LENG8: variants seen among roughly 807,000 people sequenced by gnomAD.
The protein encoded by LENG8 is leukocyte receptor cluster member 8, also known as leukocyte receptor cluster (LRC) member 8.
A neutral mutation model predicts 102.1 loss-of-function variants in LENG8; 28 were observed. The ratio of observed to expected loss-of-function variants is 0.27; its 90% CI spans 0.20 to 0.38. The LOEUF (loss-of-function observed/expected upper bound fraction) is 0.38. Ranked by LOEUF, LENG8 falls within the 10% of genes least tolerant of loss-of-function variation. LENG8 has a pLI of 1.00. For synonymous variants in LENG8, 531 were observed against 456.7 expected, an observed-to-expected ratio of 1.16 and a Z score of -2.07; for missense variants, 1,022 against 1,113.9, an observed-to-expected ratio of 0.92 and a Z score of 1.17.
At chr19:54,452,965 C>T (rs550142757) in intron 4 of LENG8, among the ~76,000 whole-genome samples, 2 of 152,308 alleles carry the variant, frequency 1.3e-5, no homozygotes, top group East Asian at 1.9e-4. Flanking sequence ...CTGGTCCCTT[C>T]TCTCCTCATG....
Position 54,458,867 on chromosome 19 carries a change from G to A in LENG8, c.2240+346G>A, listed in dbSNP as rs765063053. On this transcript the variant is annotated intron_variant, in intron 15 of 15. Transcript: ENST00000326764. ...CCCTGGGCTTCCTCAGAACCCTGAG[G>A]TCTCTGCTTTCTCAGCTTGTCGCTG... is the stretch of plus-strand genomic sequence containing the variant. The A allele has an allele frequency of 1.2e-5, 18 of 1,550,070 alleles. No homozygotes were observed. The South Asian group carries it at 2.1e-4, about 18-fold the overall frequency.
Position 54,460,359 on chromosome 19 carries a change from C to A in LENG8, c.2241-407C>A, listed in dbSNP as rs879356197. The A allele has an allele frequency of 4.1e-6, 5 of 1,209,568 alleles. No homozygotes were observed. In the Admixed American group the frequency reaches 1.6e-4, roughly 39 times the overall value. 74.9% of individuals were successfully genotyped at this position (1,209,568 alleles called of 1,614,324 possible). ...GCTGGCACCCCTGCGCCTGGCTTCCCAGACACTGTAACGCAGGGCAGGGGA... is the reference window on the plus strand; with the variant it reads ...GCTGGCACCCCTGCGCCTGGCTTCCAAGACACTGTAACGCAGGGCAGGGGA... On this transcript the variant is annotated intron_variant, in intron 15 of 15. Transcript: ENST00000326764.
In LENG8 at chr19:54,461,717, C is replaced by T; in HGVS notation, c.*789C>T. 2.0e-6 allele frequency: 1 copy of T among 496,610 alleles called. No homozygotes were observed. The highest frequency in any genetic ancestry group is 4.1e-6 in the Non-Finnish European group (1 of 244,730). The allele number at this position is 496,610 out of a possible 1,614,324, so 30.8% of individuals were successfully genotyped here. On this transcript the variant is annotated 3_prime_UTR_variant, in exon 16 of 16. Coordinates refer to ENST00000326764, the MANE Select transcript of LENG8 (RefSeq NM_052925.4). Reference sequence around the variant, plus strand: ...CCTCCCTCCCTGCCTTCATGGATCACCAGCTCACGTCATGTTGCCTTCTCT... The same window carrying T: ...CCTCCCTCCCTGCCTTCATGGATCATCAGCTCACGTCATGTTGCCTTCTCT...
In LENG8 at chr19:54,455,124, C is replaced by T. The variant is rs750826049; in HGVS notation, c.821+32C>T. 24 of 1,613,468 alleles carry T rather than the reference C, an allele frequency of 1.5e-5. No homozygotes were observed. The African/African-American group carries it at 2.0e-4, about 13-fold the overall frequency. ...TCTGCCCCCTTGCCCCGTCGCAGCC[C>T]CACACTCTGCACTCAGCGTCTATGG... On this transcript the variant is annotated intron_variant, in intron 7 of 15. Transcript: ENST00000326764.
At position 54,461,570 on chromosome 19, in the gene LENG8, A is replaced by G. The variant is rs1276276073; in HGVS notation, c.*642A>G. 2.1e-6 allele frequency: 1 copy of G among 472,222 alleles called. No homozygotes were observed. Among genetic ancestry groups the G allele is most frequent in the Non-Finnish European group, 4.4e-6 (1 of 227,678 alleles). The allele number at this position is 472,222 out of a possible 1,614,324, so 29.3% of individuals were successfully genotyped here. ...GCCGGGCCGCCTCGTCTCAAGTTGT[A>G]TAAAGTTGTCTCCGTGTCCCCTCCT... On this transcript the variant is annotated 3_prime_UTR_variant, in exon 16 of 16. Transcript: ENST00000326764.
At position 54,460,898 on chromosome 19, in the gene LENG8, C is replaced by T; in HGVS notation, c.2373C>T (p.Arg791=). ...TGPDNSSIDC[R]LSLAQLSAF ...CGGACAACTCCAGCATCGACTGCCG[C>T]CTCAGCCTGGCGCAGCTGTCAGCCT... Residue 791 remains arginine, a synonymous_variant, in exon 16 of 16, where the codon CGC becomes CGT. Transcript: ENST00000326764. 1.3e-6 allele frequency: 2 copies of T among 1,553,020 alleles called. No homozygotes were observed. The highest frequency in any genetic ancestry group is 1.7e-6 in the Non-Finnish European group (2 of 1,150,364).
intron 8 of LENG8, 51 bp downstream of exon 8, chr19:54,455,618 G>C: frequency 6.6e-7 from 1 of 1,513,724 alleles, no homozygotes; most frequent in Non-Finnish European, 9.0e-7. Flanking sequence ...TGAGAGGCAT[G>C]GGCTGGGTAT....
intron 1 of LENG8, 121 bp from the exon 2 acceptor site, chr19:54,451,169 T>G: frequency 1.5e-6 from 1 of 676,872 alleles, no homozygotes; most frequent in Non-Finnish European, 2.6e-6. Context: ...CCCCAGTGGC[T>G]TTTCAGTCAG....
rs1039597516 is a variant in LENG8 at position 54,461,038 on chromosome 19, G to A, written c.*110G>A. ...TTGTAAATTTATTTGTGGGGAGTGC[G>A]CTCCAGGAAGAGCCACCATCCCTGC... On this transcript the variant is annotated 3_prime_UTR_variant, in exon 16 of 16. Transcript: ENST00000326764. 1.2e-5 allele frequency: 18 copies of A among 1,459,400 alleles called. No homozygotes were observed. Among genetic ancestry groups the A allele is most frequent in the East Asian group, 2.5e-5 (1 of 40,460 alleles). The allele number at this position is 1,459,400 out of a possible 1,614,324, so 90.4% of individuals were successfully genotyped here. A position where few individuals can be genotyped will look rare whatever the true frequency, so the allele number is the denominator to read the frequency against.
In LENG8 at chr19:54,458,240, C is replaced by T. The variant is rs534606756; in HGVS notation, c.2032+8C>T. 1 of 1,614,162 alleles carries T rather than the reference C, an allele frequency of 6.2e-7. No homozygotes were observed. The highest frequency in any genetic ancestry group is 2.2e-5 in the East Asian group (1 of 44,892). On this transcript the variant is annotated splice_region_variant and intron_variant, in intron 14 of 15. Transcript: ENST00000326764. Reference sequence around the variant, plus strand: ...TCACCAAGAACTCGGGAGGTGAGGCCCAGTCCCCAGGACAGAGGCCATGGT... The same window carrying T: ...TCACCAAGAACTCGGGAGGTGAGGCTCAGTCCCCAGGACAGAGGCCATGGT...
At chr19:54,449,418 C>A (rs1406250905) in intron 1 of LENG8, 108 bp downstream of exon 1, 1 of 152,158 alleles carries the variant, frequency 6.6e-6, no homozygotes, top group Non-Finnish European at 1.5e-5. Context: ...AGACGCCGCG[C>A]GCGAGCGTCG....
At chr19:54,454,856 A>C (rs899904122) in intron 6 of LENG8, 95 bp from the exon 7 acceptor site, 10 of 1,528,234 alleles carry the variant, frequency 6.5e-6, no homozygotes, top group Non-Finnish European at 8.9e-6. Context: ...CTAGAACCTG[A>C]GCGCTCCTCC....
Position 54,452,636 on chromosome 19 carries a change from C to CCA in LENG8, c.214-14_214-13insAC. 6.2e-7 allele frequency: 1 copy of CCA among 1,603,852 alleles called. No homozygotes were observed. Among genetic ancestry groups the CCA allele is most frequent in the Non-Finnish European group, 8.5e-7 (1 of 1,170,902 alleles). The stretch of plus-strand genomic sequence containing the variant: ...ATTTGGGCTGCTGACGGCACATGTG[C>CCA]CTCTGCTTCCACAGTACGTGTCCCA... On this transcript the variant is annotated splice_polypyrimidine_tract_variant and intron_variant, in intron 3 of 15. Coordinates refer to ENST00000326764, the MANE Select transcript of LENG8 (RefSeq NM_052925.4).
In LENG8 at chr19:54,457,669, C is replaced by T. The variant is rs147683509; in HGVS notation, c.1732-78C>T. The T allele has an allele frequency of 1.8e-5, 18 of 1,015,710 alleles. No homozygotes were observed. The East Asian group carries it at 3.8e-4, about 22-fold the overall frequency. The allele number at this position is 1,015,710 out of a possible 1,614,324, so 62.9% of individuals were successfully genotyped here. On this transcript the variant is annotated intron_variant, in intron 11 of 15. Transcript: ENST00000326764. ...TTTTTCTTTTTTTAATGTTGCAACT[C>T]TCCCACCAAATAAGTGGAAGCCGTT...
Position 54,456,375 on chromosome 19 carries a change from C to A in LENG8, c.1355C>A (p.Pro452His). The A allele has an allele frequency of 6.2e-7, 1 of 1,613,074 alleles. No homozygotes were observed. ...DSSYSGNECH[P>H]VGRRNPPPKG... ...TCCTACTCAGGGAATGAGTGTCACC[C>A]TGTGGGCCGCAGGAACCCGCCCCCT... is the stretch of plus-strand genomic sequence containing the variant. The change falls in exon 10 of 16, where the codon CCT becomes CAT. Residue 452 changes from proline to histidine, a missense_variant. Coordinates refer to ENST00000326764, the MANE Select transcript of LENG8 (RefSeq NM_052925.4).
chr19:54,456,561 C>A, intron 10 of LENG8, 75 bp from the exon 11 acceptor site: 1 of 1,538,538 alleles, frequency 6.5e-7, no homozygotes, highest in Admixed American at 2.0e-5. Context: ...AGGTGGACAG[C>A]CAGCTGCCAA....
intron 15 of LENG8, chr19:54,460,242 C>CT: frequency 7.8e-7 from 1 of 1,283,760 alleles, no homozygotes; most frequent in South Asian, 1.2e-5. Flanking sequence ...TCAGGGAGCT[C>CT]TGAGGACCTG....
rs1000128531 is a variant in LENG8, at chr19:54,461,898, T to C, written c.*970T>C. ...AGGCTGCTTTTTTTCCAGATGTTCC[T>C]CCTCTGCCTCCCCTTCCCCTCCTCT... On this transcript the variant is annotated 3_prime_UTR_variant, in exon 16 of 16. Transcript: ENST00000326764. The C allele has an allele frequency of 6.5e-6, 5 of 773,496 alleles. No individual in the cohort carries two copies. Among genetic ancestry groups the C allele is most frequent in the African/African-American group, 1.7e-5 (1 of 58,154 alleles). 47.9% of individuals were successfully genotyped at this position (773,496 alleles called of 1,614,324 possible).
At chr19:54,458,681 A>C in intron 15 of LENG8, 160 bp downstream of exon 15, 1 of 1,550,410 alleles carries the variant, frequency 6.4e-7, no homozygotes, top group African/African-American at 1.4e-5. Context: ...TCCCCTCTCC[A>C]GTTCCTCTTG....
Sources: allele counts gnomAD v4.1 joint callset (sites outside exome capture counted in the v4.1 genomes callset), GRCh38; gene constraint gnomAD v4.1.1; transcripts MANE v1.5; gene names NCBI Gene and HGNC (gene_info 2026-07-23, HGNC 2026-07-21).